Variants in RIMBP2 observed in about 807,000 individuals in gnomAD.
RIMBP2 encodes the protein RIMS-binding protein 2.
In RIMBP2, 48 loss-of-function variants were observed where a neutral mutation model predicts 118.6. That is an observed-to-expected ratio of 0.40 (90% confidence interval 0.32 to 0.51). RIMBP2 has a LOEUF of 0.51. Among genes scored for constraint, RIMBP2 ranks in the 20% least tolerant of loss-of-function variants. The pLI is 0.41. For missense variants in RIMBP2, 1,551 were observed against 1,768.3 expected (o/e 0.88, Z 2.20); for synonymous variants, 762 against 742.9 (o/e 1.03, Z -0.42).
intron 1 of RIMBP2, among the ~76,000 whole-genome samples, chr12:130,669,856 C>T (rs1177087190): frequency 1.3e-5 from 2 of 152,114 alleles, no homozygotes; most frequent in Admixed American, 6.6e-5. Flanking sequence ...TAACAAGCAC[C>T]GTCTTCAAGT....
chr12:130,522,659 T>C (rs913971463), intron 2 of RIMBP2, among the ~76,000 whole-genome samples: 1 of 151,790 alleles, frequency 6.6e-6, no homozygotes, highest in Non-Finnish European at 1.5e-5. Context: ...GCAGGTGGGG[T>C]GAGGGGAGGT....
chr12:130,649,493 C>T (rs2063134924), intron 1 of RIMBP2, among the ~76,000 whole-genome samples: 1 of 152,244 alleles, frequency 6.6e-6, no homozygotes, highest in African/African-American at 2.4e-5. Flanking sequence ...CCACCCAGAC[C>T]CAAGGGCTGC....
chr12:130,479,498 CAG>C (rs1593456789), intron 4 of RIMBP2, among the ~76,000 whole-genome samples: 2 of 152,140 alleles, frequency 1.3e-5, no homozygotes, highest in East Asian at 3.9e-4. Context: ...CCTCATTCTA[CAG>C]AGAGGGAAAC....
intron 1 of RIMBP2, among the ~76,000 whole-genome samples, chr12:130,645,603 T>C (rs989937374): frequency 4.6e-5 from 7 of 152,132 alleles, no homozygotes; most frequent in Admixed American, 1.3e-4. Context: ...AGCAAGCACA[T>C]AGCCTGGGGG....
intron 2 of RIMBP2, among the ~76,000 whole-genome samples, chr12:130,518,227 C>T (rs1217807047): frequency 6.6e-6 from 1 of 152,180 alleles, no homozygotes; most frequent in Non-Finnish European, 1.5e-5. Context: ...TGTTAATAAG[C>T]TTTGACCCAT....
intron 1 of RIMBP2, among the ~76,000 whole-genome samples, chr12:130,692,963 C>T (rs1593018455): frequency 6.6e-6 from 1 of 151,726 alleles, no homozygotes; most frequent in Non-Finnish European, 1.5e-5. Flanking sequence ...TGGAAACAAA[C>T]AGGTGAGAGT....
rs1407028798 is a variant in RIMBP2 at position 130,451,224 on chromosome 12, C to T, written c.475G>A (p.Gly159Ser). The change falls in exon 8 of 23, where the codon GGT becomes AGT. Residue 159 changes from glycine to serine, a missense_variant. Around this residue, in one of 5 missense-constraint regions of RIMBP2, gnomAD observed 239 missense variants for 256.8 expected, o/e 0.93. Coordinates refer to ENST00000690449, the MANE Select transcript of RIMBP2 (RefSeq NM_001393629.1). Reference protein sequence around the residue: ...SAKPTFLSRSGSARCRSESDM... With the variant: ...SAKPTFLSRSSSARCRSESDM... ...GACTCAGATCTGCATCTTGCGCTAC[C>T]GGATCTCGACAGGAAGGTGGGCTTG... The T allele has an allele frequency of 2.2e-5, 35 of 1,613,992 alleles. No homozygotes were observed. The highest frequency in any genetic ancestry group is 3.3e-5 in the South Asian group (3 of 91,082).
In RIMBP2 at chr12:130,484,327, A is replaced by G. The variant is rs1005390899; in HGVS notation, c.-3-5311T>C. ...TCGCGCTGTTTCTAAAGAGCAGACC[A>G]GTGCCCGCCTCTGGACCTTCACACG... On this transcript the variant is annotated intron_variant, in intron 4 of 22. Coordinates refer to ENST00000690449, the MANE Select transcript of RIMBP2 (RefSeq NM_001393629.1). Among the ~76,000 whole-genome samples, 25 of 152,322 alleles carry G rather than the reference A, an allele frequency of 1.6e-4. 1 individual carries two copies. The highest frequency in any genetic ancestry group is 1.5e-3 in the Admixed American group (23 of 15,304).
At chr12:130,591,583 G>C (rs2059270387) in intron 2 of RIMBP2, among the ~76,000 whole-genome samples, 1 of 152,140 alleles carries the variant, frequency 6.6e-6, no homozygotes, top group South Asian at 2.1e-4. Flanking sequence ...CCGGGGAGGG[G>C]CGGGGGGGCT....
chr12:130,629,000 C>T lies in RIMBP2; in HGVS notation c.-351-544G>A, dbSNP rs148329003. Among the ~76,000 whole-genome samples, 126 of 152,286 alleles carry T rather than the reference C, an allele frequency of 8.3e-4. No individual in the cohort carries two copies. The East Asian group carries it at 0.023, about 28-fold the overall frequency. ...TAGTAAACTCTTAAAGAATTCCCAC[C>T]TTGGCCATCAAATATTCAAAAACAA... On this transcript the variant is annotated intron_variant, in intron 1 of 22. Coordinates refer to ENST00000690449, the MANE Select transcript of RIMBP2 (RefSeq NM_001393629.1).
At chr12:130,488,832 C>T (rs2082692607) in intron 4 of RIMBP2, among the ~76,000 whole-genome samples, 1 of 152,170 alleles carries the variant, frequency 6.6e-6, no homozygotes, top group African/African-American at 2.4e-5. Context: ...AAGAAGACAG[C>T]ATACAGAGGG....
chr12:130,439,158 T>G (rs937811872), intron 11 of RIMBP2, among the ~76,000 whole-genome samples: 2 of 151,280 alleles, frequency 1.3e-5, no homozygotes, highest in African/African-American at 4.8e-5. Context: ...TGTATGTGTG[T>G]GTAAATGTGT....
rs1566208033 is a variant in RIMBP2 at position 130,532,003 on chromosome 12, GCGT to G, written c.-216-14089_-216-14087del. 4.4e-4 allele frequency among the ~76,000 whole-genome samples: 40 copies of G among 90,328 alleles called. 1 individual carries two copies. The highest frequency in any genetic ancestry group is 2.5e-3 in the Admixed American group (21 of 8,476). The allele number at this position is 90,328 out of a possible 152,430, so 59.3% of individuals were successfully genotyped here. ...CTCTAGGAGGTACGTCTAATGAGAT[GCGT>G]ATGTTTAGCCTCTAGGAGGGACGTC... On this transcript the variant is annotated intron_variant, in intron 2 of 22. Transcript: ENST00000690449.
intron 5 of RIMBP2, among the ~76,000 whole-genome samples, chr12:130,476,823 C>T (rs1340610765): frequency 1.3e-5 from 2 of 152,208 alleles, no homozygotes; most frequent in Non-Finnish European, 2.9e-5. Flanking sequence ...GTGTCCCACT[C>T]GCAGCTGTGT....
At chr12:130,485,551 T>C (rs1041585067) in intron 4 of RIMBP2, among the ~76,000 whole-genome samples, 2 of 152,274 alleles carry the variant, frequency 1.3e-5, no homozygotes, top group Non-Finnish European at 2.9e-5. Context: ...TGCAGCTGCT[T>C]AATTCTGCCA....
intron 19 of RIMBP2, among the ~76,000 whole-genome samples, chr12:130,409,410 C>T (rs1347842997): frequency 1.4e-5 from 2 of 145,950 alleles, no homozygotes; most frequent in Admixed American, 7.1e-5. Context: ...TGGCGCGATC[C>T]CGGCTCACTG....
At chr12:130,606,825 C>A (rs1368542898) in intron 2 of RIMBP2, among the ~76,000 whole-genome samples, 1 of 152,130 alleles carries the variant, frequency 6.6e-6, no homozygotes, top group Non-Finnish European at 1.5e-5. Context: ...CGAGTCACCA[C>A]AACAAGCAGT....
intron 1 of RIMBP2, among the ~76,000 whole-genome samples, chr12:130,702,337 A>T (rs1375606010): frequency 6.6e-6 from 1 of 152,044 alleles, no homozygotes; most frequent in African/African-American, 2.4e-5. Context: ...ATCAATATGG[A>T]GAAACCCCAT....
chr12:130,602,297 G>A (rs1052417497), intron 2 of RIMBP2, among the ~76,000 whole-genome samples: 3 of 152,130 alleles, frequency 2.0e-5, no homozygotes, highest in African/African-American at 4.8e-5. Flanking sequence ...GCACTCTGCC[G>A]CCCATCTCTC....
Sources: gnomAD v4.1 joint callset for allele counts (sites outside exome capture counted in the v4.1 genomes callset) on GRCh38, gnomAD v4.1.1 for gene constraint, gnomAD v4.1.1 regional missense constraint, MANE v1.5 for transcripts, NCBI Gene and HGNC (gene_info 2026-07-23, HGNC 2026-07-21) for gene names.